The following SDHAF3 variants were observed in gnomAD, a reference collection of about 807,000 sequenced individuals.
The protein encoded by SDHAF3 is succinate dehydrogenase assembly factor 3, mitochondrial.
SDHAF3 carries 18 observed loss-of-function variants against 11.5 expected under a neutral mutation model. That is an observed-to-expected ratio of 1.56 (90% CI 1.08 to 2.32). The LOEUF (loss-of-function observed/expected upper bound fraction) is 2.32. Ranked by LOEUF, SDHAF3 falls within the 30% of genes most tolerant of loss-of-function variation. The pLI, the probability that SDHAF3 is intolerant of heterozygous loss-of-function variation, is 0.00. For synonymous variants in SDHAF3, 72 were observed against 59.3 expected (o/e 1.21, Z -0.99); for missense variants, 200 against 154.4 (o/e 1.30, Z -1.57).
In SDHAF3 at chr7:97,144,791, C is replaced by T. The variant is rs180712664; in HGVS notation, c.174+26894C>T. ...TTAGTTTACTTTGGCTATGTGGGCT[C>T]TTCTTTGGTTTCATATGGATTTTAG... On this transcript the variant is annotated intron_variant, in intron 1 of 1. Coordinates refer to ENST00000432641, the MANE Select transcript of SDHAF3 (RefSeq NM_020186.3). Among the ~76,000 whole-genome samples the T allele has an allele frequency of 5.3e-5, 8 of 152,174 alleles. No individual in the cohort carries two copies. In the East Asian group the frequency reaches 1.5e-3, roughly 29 times the overall value.
At chr7:97,120,654 AAG>A (rs1462406843) in intron 1 of SDHAF3, among the ~76,000 whole-genome samples, 2 of 152,246 alleles carry the variant, frequency 1.3e-5, no homozygotes, top group East Asian at 3.9e-4. Flanking sequence ...ACATCAAACT[AAG>A]AGTAACTGTT....
At chr7:97,176,138 T>C (rs1789675355) in intron 1 of SDHAF3, among the ~76,000 whole-genome samples, 1 of 152,214 alleles carries the variant, frequency 6.6e-6, no homozygotes, top group African/African-American at 2.4e-5. Context: ...TTGCAAAACC[T>C]ATAATATACA....
intron 1 of SDHAF3, among the ~76,000 whole-genome samples, chr7:97,147,782 G>C (rs1009331166): frequency 3.0e-4 from 45 of 152,296 alleles, no homozygotes; most frequent in African/African-American, 9.9e-4. Flanking sequence ...ACCACCAATT[G>C]CATGTACATT....
intron 1 of SDHAF3, among the ~76,000 whole-genome samples, chr7:97,126,432 A>T (rs1262251216): frequency 6.6e-6 from 1 of 152,130 alleles, no homozygotes; most frequent in Non-Finnish European, 1.5e-5. Flanking sequence ...CCCTTCCCCC[A>T]GGTGCTGTGG....
At chr7:97,123,240 G>T (rs1239918936) in intron 1 of SDHAF3, among the ~76,000 whole-genome samples, 1 of 152,120 alleles carries the variant, frequency 6.6e-6, no homozygotes, top group African/African-American at 2.4e-5. Context: ...GTGAGAACAT[G>T]AGGTTTTTGG....
At position 97,117,824 on chromosome 7, in the gene SDHAF3, A is replaced by G; in HGVS notation, c.101A>G (p.Tyr34Cys). The G allele has an allele frequency of 6.2e-7, 1 of 1,614,206 alleles. No homozygotes were observed. Among genetic ancestry groups the G allele is most frequent in the Non-Finnish European group, 8.5e-7 (1 of 1,180,026 alleles). ...PPDLKSLGDQ[Y>C]VKDEFRRHKT... is the part of the protein sequence containing the mutation. ...GACCTCAAATCCCTGGGCGACCAGT[A>G]CGTGAAAGACGAATTTAGGAGACAT... Residue 34 changes from tyrosine to cysteine, a missense_variant, in exon 1 of 2, where the codon TAC becomes TGC. Physicochemically the swap from Tyr to Cys is radical, Grantham distance 194. Coordinates refer to ENST00000432641, the MANE Select transcript of SDHAF3 (RefSeq NM_020186.3).
chr7:97,137,606 G>T (rs921286283), intron 1 of SDHAF3, among the ~76,000 whole-genome samples: 3 of 152,142 alleles, frequency 2.0e-5, no homozygotes, highest in Non-Finnish European at 4.4e-5. Context: ...TTTTTTAGGG[G>T]TTATGGATAT....
At chr7:97,134,621 A>G (rs147150999) in intron 1 of SDHAF3, among the ~76,000 whole-genome samples, 110 of 152,112 alleles carry the variant, frequency 7.2e-4, no homozygotes, top group African/African-American at 2.5e-3. Context: ...TAATTTTTGT[A>G]TTTTTAGTAG....
At chr7:97,158,208 T>C (rs1204317319) in intron 1 of SDHAF3, among the ~76,000 whole-genome samples, 1 of 152,210 alleles carries the variant, frequency 6.6e-6, no homozygotes. Flanking sequence ...AGAACACTTT[T>C]AGCAGGCTAA....
intron 1 of SDHAF3, among the ~76,000 whole-genome samples, chr7:97,127,678 T>TGCC (rs1447358982): frequency 6.6e-6 from 1 of 152,188 alleles, no homozygotes; most frequent in Non-Finnish European, 1.5e-5. Flanking sequence ...TTGTTACTCT[T>TGCC]GAACATCTTG....
At chr7:97,137,179 A>T (rs982357820) in intron 1 of SDHAF3, among the ~76,000 whole-genome samples, 1 of 152,130 alleles carries the variant, frequency 6.6e-6, no homozygotes, top group African/African-American at 2.4e-5. Flanking sequence ...TACTAGATTT[A>T]CATTGTCAGT....
chr7:97,117,804 C>G lies in SDHAF3; in HGVS notation c.81C>G (p.Leu27=), dbSNP rs772290047. ...TGCACCGTGTTCTGCCCCCGGACCT[C>G]AAATCCCTGGGCGACCAGTACGTGA... is the stretch of plus-strand genomic sequence containing the variant. ...LQLHRVLPPD[L]KSLGDQYVKD... is the part of the protein sequence containing the mutation. The change falls in exon 1 of 2, where the codon CTC becomes CTG. Residue 27 remains leucine, a synonymous_variant. Transcript: ENST00000432641. 2 of 1,614,200 alleles carry G rather than the reference C, an allele frequency of 1.2e-6. No individual in the cohort carries two copies. The highest frequency in any genetic ancestry group is 1.7e-6 in the Non-Finnish European group (2 of 1,180,036).
At chr7:97,156,475 T>A (rs1257510908) in intron 1 of SDHAF3, among the ~76,000 whole-genome samples, 1 of 152,218 alleles carries the variant, frequency 6.6e-6, no homozygotes. Flanking sequence ...ATTGTTAATG[T>A]TGTCTTCAGA....
intron 1 of SDHAF3, among the ~76,000 whole-genome samples, chr7:97,125,417 T>C (rs1054912454): frequency 5.3e-5 from 8 of 152,220 alleles, no homozygotes; most frequent in Non-Finnish European, 7.3e-5. Flanking sequence ...GAGATTCTGG[T>C]ACATTGTCTC....
chr7:97,129,056 A>C lies in SDHAF3; in HGVS notation c.174+11159A>C, dbSNP rs1018487438. 2.0e-5 allele frequency among the ~76,000 whole-genome samples: 3 copies of C among 152,200 alleles called. No individual in the cohort carries two copies. The East Asian group carries it at 5.8e-4, about 29-fold the overall frequency. On this transcript the variant is annotated intron_variant, in intron 1 of 1. Coordinates refer to ENST00000432641, the MANE Select transcript of SDHAF3 (RefSeq NM_020186.3). ...TAGTGTAGAAGGGCTTATAATAAAA[A>C]GCAGTGTACTCTTTCCTGTTTATCT...
At chr7:97,142,342 C>T (rs1042614427) in intron 1 of SDHAF3, among the ~76,000 whole-genome samples, 7 of 151,958 alleles carry the variant, frequency 4.6e-5, no homozygotes, top group African/African-American at 7.2e-5. Flanking sequence ...CGTGAGCCAC[C>T]GCGCCTGGCC....
chr7:97,167,953 G>A (rs940190996), intron 1 of SDHAF3, among the ~76,000 whole-genome samples: 23 of 152,312 alleles, frequency 1.5e-4, no homozygotes, highest in African/African-American at 4.3e-4. Flanking sequence ...ACCTGCACAG[G>A]GTCTTGCCTG....
chr7:97,166,676 C>T (rs1262786033), intron 1 of SDHAF3, among the ~76,000 whole-genome samples: 1 of 152,098 alleles, frequency 6.6e-6, no homozygotes. Context: ...CCTTTCCCAT[C>T]ATGGCCTGAA....
chr7:97,162,107 C>G (rs1789421661), intron 1 of SDHAF3, among the ~76,000 whole-genome samples: 1 of 152,154 alleles, frequency 6.6e-6, no homozygotes, highest in Admixed American at 6.5e-5. Flanking sequence ...TGTTTCCTGA[C>G]TTTTTAATCA....
Sources: gnomAD v4.1 joint callset for allele counts (sites outside exome capture counted in the v4.1 genomes callset) on GRCh38, gnomAD v4.1.1 for gene constraint, MANE v1.5 for transcripts, NCBI Gene and HGNC (gene_info 2026-07-23, HGNC 2026-07-21) for gene names.